The following WASL variants were observed in gnomAD, a reference collection of about 807,000 sequenced individuals.
The protein encoded by WASL is actin nucleation-promoting factor WASL.
WASL carries 20 observed loss-of-function variants against 55.5 expected under a neutral mutation model. The observed-to-expected ratio is 0.36, with a 90% CI of 0.25 to 0.52. WASL has a LOEUF of 0.52. Ranked by LOEUF, WASL falls within the 20% of genes least tolerant of loss-of-function variation. The pLI is 0.92. For missense variants in WASL, 504 were observed against 622.5 expected (o/e 0.81, Z 2.03); for synonymous variants, 249 against 217.6 (o/e 1.14, Z -1.27).
intron 1 of WASL, among the ~76,000 whole-genome samples, chr7:123,730,716 C>A (rs567265990): frequency 1.3e-5 from 2 of 152,182 alleles, no homozygotes; most frequent in African/African-American, 2.4e-5. Context: ...GGTCTAAATA[C>A]ACCAATTAAA....
intron 1 of WASL, among the ~76,000 whole-genome samples, chr7:123,717,747 G>C (rs940100375): frequency 6.6e-6 from 1 of 152,058 alleles, no homozygotes; most frequent in Admixed American, 6.5e-5. Flanking sequence ...CACAGCTATC[G>C]ATAGTAAATA....
chr7:123,736,528 C>G (rs976043121), intron 1 of WASL, among the ~76,000 whole-genome samples: 2 of 152,086 alleles, frequency 1.3e-5, no homozygotes, highest in Non-Finnish European at 2.9e-5. Context: ...GCATAATAGT[C>G]GGTAGGGCTA....
At chr7:123,739,852 T>C (rs1343776525) in intron 1 of WASL, among the ~76,000 whole-genome samples, 1 of 151,606 alleles carries the variant, frequency 6.6e-6, no homozygotes, top group African/African-American at 2.4e-5. Flanking sequence ...CTCTCTATTA[T>C]TCAAATCTTT....
chr7:123,706,015 ATTAT>A (rs1803664443), intron 4 of WASL, among the ~76,000 whole-genome samples: 4 of 152,138 alleles, frequency 2.6e-5, no homozygotes, highest in Non-Finnish European at 5.9e-5. Flanking sequence ...CAACAAAAAT[ATTAT>A]TTATTTTAAG....
intron 8 of WASL, among the ~76,000 whole-genome samples, chr7:123,693,096 TA>T (rs1803440073): frequency 6.6e-6 from 1 of 152,104 alleles, no homozygotes; most frequent in African/African-American, 2.4e-5. Flanking sequence ...AAATATGAGC[TA>T]AAACAGAATA....
chr7:123,732,741 G>A (rs1804160283), intron 1 of WASL, among the ~76,000 whole-genome samples: 1 of 151,956 alleles, frequency 6.6e-6, no homozygotes, highest in South Asian at 2.1e-4. Context: ...AACAAAAAAG[G>A]AAAATTGCAA....
chr7:123,708,608 A>G (rs1433641642), intron 2 of WASL, among the ~76,000 whole-genome samples: 1 of 152,180 alleles, frequency 6.6e-6, no homozygotes, highest in East Asian at 1.9e-4. Context: ...GAATATATCT[A>G]TCATGAGAAA....
chr7:123,714,232 A>G (rs1036773603), intron 1 of WASL, among the ~76,000 whole-genome samples: 4 of 152,154 alleles, frequency 2.6e-5, no homozygotes, highest in African/African-American at 9.7e-5. Flanking sequence ...GGGAACAACA[A>G]CTCCTGAGAG....
chr7:123,732,662 C>G (rs1277799254), intron 1 of WASL, among the ~76,000 whole-genome samples: 1 of 152,062 alleles, frequency 6.6e-6, no homozygotes, highest in Admixed American at 6.5e-5. Context: ...GAAATAGAAG[C>G]AGAAGGACTA....
At chr7:123,729,817 T>A (rs1408213992) in intron 1 of WASL, among the ~76,000 whole-genome samples, 1 of 152,164 alleles carries the variant, frequency 6.6e-6, no homozygotes, top group African/African-American at 2.4e-5. Context: ...GTATGTTTAA[T>A]CAAATAAAGT....
chr7:123,721,079 C>T (rs541086529), intron 1 of WASL, among the ~76,000 whole-genome samples: 1 of 152,270 alleles, frequency 6.6e-6, no homozygotes, highest in East Asian at 1.9e-4. Context: ...CAAACTCTGG[C>T]TACTATAGGG....
intron 1 of WASL, among the ~76,000 whole-genome samples, chr7:123,735,937 C>T (rs556741516): frequency 6.6e-6 from 1 of 151,784 alleles, no homozygotes; most frequent in South Asian, 2.1e-4. Context: ...TAAAACCCAG[C>T]AAGATAAAGA....
intron 5 of WASL, among the ~76,000 whole-genome samples, chr7:123,701,035 TTAAG>T: frequency 6.6e-6 from 1 of 152,322 alleles, no homozygotes; most frequent in South Asian, 2.1e-4. Flanking sequence ...TAGAGCCAAA[TTAAG>T]TATCTGTTTC....
intron 1 of WASL, among the ~76,000 whole-genome samples, chr7:123,724,231 G>A (rs1804005391): frequency 6.6e-6 from 1 of 152,078 alleles, no homozygotes; most frequent in Non-Finnish European, 1.5e-5. Flanking sequence ...CTTAGTCTGG[G>A]GCAATCAACA....
At chr7:123,709,678 C>T (rs967786323) in intron 1 of WASL, among the ~76,000 whole-genome samples, 1 of 152,118 alleles carries the variant, frequency 6.6e-6, no homozygotes, top group Non-Finnish European at 1.5e-5. Flanking sequence ...TACACTGTTT[C>T]CCAATAAAGT....
At chr7:123,707,413 ATAAT>A (rs1232707096) in intron 2 of WASL, among the ~76,000 whole-genome samples, 1 of 152,212 alleles carries the variant, frequency 6.6e-6, no homozygotes, top group Non-Finnish European at 1.5e-5. Context: ...AAAGAGACTG[ATAAT>A]TAAAATGTAT....
Position 123,720,451 on chromosome 7 carries a change from G to A in WASL, c.118-11228C>T, listed in dbSNP as rs1404493762. The stretch of plus-strand genomic sequence containing the variant: ...AAAAGTAAGGGTAGCATATACTAAC[G>A]TCTGTACACAATACCACAAACAAGA... On this transcript the variant is annotated intron_variant, in intron 1 of 10. Transcript: ENST00000223023. 7.2e-5 allele frequency: 29 copies of A among 404,478 alleles called. 1 individual carries two copies. Among genetic ancestry groups the A allele is most frequent in the South Asian group, 3.2e-4 (17 of 53,632 alleles). The allele number at this position is 404,478 out of a possible 1,614,324, so 25.1% of individuals were successfully genotyped here. A position where few individuals can be genotyped will look rare whatever the true frequency, so the allele number is the denominator to read the frequency against.
chr7:123,691,770 T>C (rs959846046), intron 9 of WASL, among the ~76,000 whole-genome samples: 6 of 152,346 alleles, frequency 3.9e-5, no homozygotes, highest in African/African-American at 1.4e-4. Context: ...TACAACTCTT[T>C]CAATTTTTTT....
Position 123,695,844 on chromosome 7 carries a change from C to G in WASL, c.651G>C (p.Trp217Cys). The G allele has an allele frequency of 6.2e-7, 1 of 1,612,182 alleles. No individual in the cohort carries two copies. The highest frequency in any genetic ancestry group is 8.5e-7 in the Non-Finnish European group (1 of 1,178,874). Residue 217 changes from tryptophan to cysteine, a missense_variant, in exon 7 of 11, where the codon TGG becomes TGC. Around this residue, in one of 5 missense-constraint regions of WASL, gnomAD observed 230 missense variants for 271.9 expected, o/e 0.85. Transcript: ENST00000223023. Reference protein sequence around the residue: ...SNFQHIGHVGWDPNTGFDLNN... With the variant: ...SNFQHIGHVGCDPNTGFDLNN... ...TTACATCAAAGCCTGTATTTGGATC[C>G]CAACCAACATGTCCAATGTGCCTGA...
Sources: allele counts gnomAD v4.1 joint callset (sites outside exome capture counted in the v4.1 genomes callset), GRCh38; gene constraint gnomAD v4.1.1; regional missense constraint gnomAD v4.1.1; transcripts MANE v1.5; gene names NCBI Gene and HGNC (gene_info 2026-07-23, HGNC 2026-07-21).